ACTMAP: variants seen among roughly 807,000 people sequenced by gnomAD.
The protein encoded by ACTMAP is actin maturation protease.
chr19:40,745,008 C>G, the ACTMAP span: 1 of 1,231,584 alleles, frequency 8.1e-7, no homozygotes, highest in Admixed American at 2.1e-5. Context: ...TTCCCCCTTT[C>G]CTTCCCTCCT....
the ACTMAP span, among the ~76,000 whole-genome samples, chr19:40,746,806 C>G: frequency 6.6e-6 from 1 of 152,138 alleles, no homozygotes; most frequent in South Asian, 2.1e-4. Flanking sequence ...CCACCATGCC[C>G]GGCCTCCTTT....
At chr19:40,749,617 C>T in the ACTMAP span, 54 of 1,549,748 alleles carry the variant, frequency 3.5e-5, no homozygotes, top group South Asian at 1.5e-4. Context: ...CCTGTGGCAG[C>T]GGGTGGAGGA....
chr19:40,742,503 G>A, the ACTMAP span: 1 of 1,520,488 alleles, frequency 6.6e-7, no homozygotes, highest in Non-Finnish European at 8.8e-7. Flanking sequence ...CCCACCCACG[G>A]GCACCACGTA....
the ACTMAP span, chr19:40,749,404 A>ACCCC: frequency 4.9e-5 from 57 of 1,174,658 alleles, no homozygotes; most frequent in Non-Finnish European, 6.0e-5. Context: ...GGACACGGGA[A>ACCCC]CCCCCCCCCC....
chr19:40,744,076 AG>A, the ACTMAP span: 1 of 1,613,896 alleles, frequency 6.2e-7, no homozygotes, highest in Non-Finnish European at 8.5e-7. Context: ...CGGGATGAGC[AG>A]GGGATGTCCA....
chr19:40,744,126 G>T, the ACTMAP span: 1 of 1,612,846 alleles, frequency 6.2e-7, no homozygotes, highest in Non-Finnish European at 8.5e-7. Flanking sequence ...TGTTGGGACC[G>T]CCCAGGCCAC....
At chr19:40,749,936 GGT>G in the ACTMAP span, 1 of 686,508 alleles carries the variant, frequency 1.5e-6, no homozygotes, top group Non-Finnish European at 2.3e-6. Context: ...CTGAGCAGTG[GGT>G]GTGAAAGGAC....
the ACTMAP span, chr19:40,749,627 A>C: frequency 1.9e-6 from 3 of 1,549,422 alleles, no homozygotes; most frequent in African/African-American, 1.4e-5. Flanking sequence ...CGGGTGGAGG[A>C]GGCAGTGGGA....
chr19:40,746,480 A>G, the ACTMAP span, among the ~76,000 whole-genome samples: 1 of 151,800 alleles, frequency 6.6e-6, no homozygotes, highest in Non-Finnish European at 1.5e-5. Flanking sequence ...GGTTCACGCC[A>G]TTCTCCTGCC....
the ACTMAP span, chr19:40,749,723 T>C: frequency 4.0e-6 from 6 of 1,510,964 alleles, no homozygotes; most frequent in Admixed American, 2.5e-5. Context: ...GAGGAGGAGA[T>C]GGAATGCTGC....
the ACTMAP span, chr19:40,744,076 A>C: frequency 1.9e-6 from 3 of 1,613,778 alleles, no homozygotes; most frequent in African/African-American, 4.0e-5. Context: ...CGGGATGAGC[A>C]GGGGATGTCC....
chr19:40,744,815 C>T, the ACTMAP span: 15 of 1,357,138 alleles, frequency 1.1e-5, no homozygotes, highest in Non-Finnish European at 1.3e-5. Context: ...GGAGACCTGA[C>T]TCCCCTTCAG....
chr19:40,748,273 G>A, the ACTMAP span, among the ~76,000 whole-genome samples: 1 of 152,090 alleles, frequency 6.6e-6, no homozygotes, highest in African/African-American at 2.4e-5. Context: ...AGACCAGCCT[G>A]GCCAACATGA....
At chr19:40,741,536 T>C in the ACTMAP span, 3 of 357,876 alleles carry the variant, frequency 8.4e-6, no homozygotes, top group Non-Finnish European at 1.7e-5. Context: ...TGTTCCTCCT[T>C]CAGAGTGGAG....
chr19:40,744,470 AC>A, the ACTMAP span: 1 of 1,548,952 alleles, frequency 6.5e-7, no homozygotes, highest in Non-Finnish European at 8.7e-7. Context: ...GGAATGAGAC[AC>A]CCTGACACAC....
At chr19:40,742,747 C>T in the ACTMAP span, 1 of 1,609,890 alleles carries the variant, frequency 6.2e-7, no homozygotes, top group Non-Finnish European at 8.5e-7. Context: ...AGACTGGGCA[C>T]AGCCCGAACA....
At chr19:40,749,487 T>C in the ACTMAP span, 3 of 1,533,056 alleles carry the variant, frequency 2.0e-6, no homozygotes, top group South Asian at 2.4e-5. Context: ...CTACCGGTCC[T>C]TGTGTAGTTT....
chr19:40,742,631 G>A, the ACTMAP span: 5 of 1,613,244 alleles, frequency 3.1e-6, no homozygotes, highest in East Asian at 2.2e-5. Flanking sequence ...TGGACAGCAG[G>A]TAGACAGCTC....
At chr19:40,744,061 G>C in the ACTMAP span, 1 of 1,613,960 alleles carries the variant, frequency 6.2e-7, no homozygotes, top group Non-Finnish European at 8.5e-7. Flanking sequence ...CCAGGCCCTG[G>C]GATACGGGAT....
Sources: gnomAD v4.1 joint callset for allele counts (sites outside exome capture counted in the v4.1 genomes callset) on GRCh38, gnomAD v4.1.1 for gene constraint, MANE v1.5 for transcripts, NCBI Gene and HGNC (gene_info 2026-07-23, HGNC 2026-07-21) for gene names.